Variants in C1orf21 observed in about 807,000 individuals in gnomAD.
C1orf21 encodes the protein uncharacterized protein C1orf21.
In C1orf21, 3 loss-of-function variants were observed where a neutral mutation model predicts 18.7. The ratio of observed to expected loss-of-function variants is 0.16; its 90% CI spans 0.07 to 0.42. The LOEUF (loss-of-function observed/expected upper bound fraction) is 0.42. Ranked by LOEUF, C1orf21 falls within the 10% of genes least tolerant of loss-of-function variation. C1orf21 has a pLI of 0.99. For synonymous variants in C1orf21, 41 were observed against 46.4 expected (o/e 0.88, Z 0.47); for missense variants, 104 against 143.6 (o/e 0.72, Z 1.41).
At position 184,628,760 on chromosome 1, in the gene C1orf21, A is replaced by G. The variant is rs1370557864; in HGVS notation, c.*9204A>G. The G allele has an allele frequency of 6.6e-6, 1 of 152,560 alleles. No homozygotes were observed. The allele number at this position is 152,560 out of a possible 1,614,324, so 9.5% of individuals were successfully genotyped here. A position where few individuals can be genotyped will look rare whatever the true frequency, so the allele number is the denominator to read the frequency against. The stretch of plus-strand genomic sequence containing the variant: ...GTCTCCAGAAAAGGACACTGGCAAT[A>G]TCCCCAGCTCTCTCCTGATTGGAAT... On this transcript the variant is annotated 3_prime_UTR_variant, in exon 6 of 6. Transcript: ENST00000235307.
chr1:184,399,387 A>C (rs538339527), intron 1 of C1orf21, among the ~76,000 whole-genome samples: 1 of 122,108 alleles, frequency 8.2e-6, no homozygotes, highest in East Asian at 2.4e-4. Context: ...TTTTGAGACA[A>C]GGTCTGACTC....
chr1:184,414,968 G>A (rs186189074), intron 1 of C1orf21, among the ~76,000 whole-genome samples: 8 of 152,310 alleles, frequency 5.3e-5, no homozygotes, highest in Admixed American at 1.3e-4. Flanking sequence ...AGAGGTACGT[G>A]TGATGAAGGT....
At chr1:184,588,890 A>C (rs966568226) in intron 3 of C1orf21, among the ~76,000 whole-genome samples, 2 of 151,876 alleles carry the variant, frequency 1.3e-5, no homozygotes, top group Non-Finnish European at 1.5e-5. Context: ...CTGGAAGCGC[A>C]CTCCTGGGAG....
intron 3 of C1orf21, among the ~76,000 whole-genome samples, chr1:184,569,021 T>G (rs1170457210): frequency 6.6e-6 from 1 of 152,220 alleles, no homozygotes. Flanking sequence ...AGTTGAAGCA[T>G]TTAAAGGAGC....
chr1:184,607,899 A>G (rs957090319), intron 5 of C1orf21, among the ~76,000 whole-genome samples: 3 of 152,032 alleles, frequency 2.0e-5, no homozygotes, highest in Non-Finnish European at 2.9e-5. Flanking sequence ...TGGACATTCA[A>G]CAAATATTTA....
chr1:184,568,589 T>C, intron 3 of C1orf21: 4 of 339,668 alleles, frequency 1.2e-5, no homozygotes, highest in Non-Finnish European at 1.8e-5. Flanking sequence ...TGATGCATGT[T>C]AAGCTCTTTT....
chr1:184,598,201 G>A (rs1021727270), intron 4 of C1orf21, among the ~76,000 whole-genome samples, 200 bp from the exon 5 acceptor site: 3 of 151,880 alleles, frequency 2.0e-5, no homozygotes, highest in African/African-American at 7.3e-5. Flanking sequence ...TTAAGTCATA[G>A]GCACTGATAG....
At chr1:184,503,573 T>A (rs1658009015) in intron 2 of C1orf21, among the ~76,000 whole-genome samples, 2 of 152,110 alleles carry the variant, frequency 1.3e-5, no homozygotes, top group Non-Finnish European at 2.9e-5. Context: ...CTGTACTGAG[T>A]GTACACCTTC....
intron 3 of C1orf21, among the ~76,000 whole-genome samples, chr1:184,534,605 CT>C (rs1658519237): frequency 6.6e-6 from 1 of 151,826 alleles, no homozygotes; most frequent in South Asian, 2.1e-4. Context: ...CTTTCTGATT[CT>C]TTTTTCTTTT....
intron 3 of C1orf21, chr1:184,540,057 A>G (rs1230448277): frequency 6.6e-6 from 1 of 152,244 alleles, no homozygotes; most frequent in Admixed American, 6.5e-5. Context: ...CAACATAACC[A>G]AACTAAAATA....
intron 1 of C1orf21, among the ~76,000 whole-genome samples, chr1:184,399,356 A>ATTTTTTTT (rs59376994): frequency 1.3e-5 from 1 of 79,082 alleles, no homozygotes. Context: ...ATGTACTTCT[A>ATTTTTTTT]TTTTTTTTTT....
chr1:184,531,090 G>A (rs1296370382), intron 3 of C1orf21, among the ~76,000 whole-genome samples: 4 of 152,078 alleles, frequency 2.6e-5, no homozygotes, highest in Non-Finnish European at 4.4e-5. Context: ...AAAGTGATCT[G>A]GTTTTAGACT....
intron 1 of C1orf21, among the ~76,000 whole-genome samples, chr1:184,434,627 G>C (rs1656828615): frequency 6.6e-6 from 1 of 152,282 alleles, no homozygotes; most frequent in South Asian, 2.1e-4. Flanking sequence ...GGGCCTCCAA[G>C]GGCCCCTGTG....
intron 1 of C1orf21, among the ~76,000 whole-genome samples, chr1:184,392,182 G>C (rs4631655): frequency 0.64 from 97,018 of 152,118 alleles, 36,082 homozygotes; most frequent in Non-Finnish European, 0.81. Context: ...GGTTTTCAAA[G>C]TCCTTTCATG....
chr1:184,388,855 C>T (rs1655927917), intron 1 of C1orf21, among the ~76,000 whole-genome samples: 1 of 152,120 alleles, frequency 6.6e-6, no homozygotes, highest in Non-Finnish European at 1.5e-5. Flanking sequence ...GGTGATGTTT[C>T]TGAAGGGTCT....
intron 3 of C1orf21, among the ~76,000 whole-genome samples, chr1:184,552,683 T>C (rs1320049389): frequency 6.6e-6 from 1 of 152,120 alleles, no homozygotes; most frequent in Non-Finnish European, 1.5e-5. Flanking sequence ...ATCCATATAA[T>C]GAGATAGTAT....
In C1orf21 at chr1:184,450,939, G is replaced by A. The variant is rs185882114; in HGVS notation, c.-124-26447G>A. 9.2e-5 allele frequency among the ~76,000 whole-genome samples: 14 copies of A among 152,108 alleles called. No homozygotes were observed. The East Asian group carries it at 1.7e-3, about 19-fold the overall frequency. On this transcript the variant is annotated intron_variant, in intron 1 of 5. Transcript: ENST00000235307. ...ATCGCCCAGGCTGGAGTGCAGTGGC[G>A]CAATCTCAGCTCACTGCAACTTCTG... is the stretch of plus-strand genomic sequence containing the variant.
intron 3 of C1orf21, among the ~76,000 whole-genome samples, chr1:184,519,193 G>A (rs1330763951): frequency 6.6e-6 from 1 of 152,170 alleles, no homozygotes; most frequent in Non-Finnish European, 1.5e-5. Context: ...GTTATAAAAT[G>A]TGATTGCTTT....
intron 1 of C1orf21, among the ~76,000 whole-genome samples, chr1:184,434,685 G>A (rs1656829291): frequency 6.6e-6 from 1 of 152,154 alleles, no homozygotes; most frequent in African/African-American, 2.4e-5. Flanking sequence ...GGTGATGGAA[G>A]GCACCCATGA....
Sources: allele counts gnomAD v4.1 joint callset (sites outside exome capture counted in the v4.1 genomes callset), GRCh38; gene constraint gnomAD v4.1.1; transcripts MANE v1.5; gene names NCBI Gene and HGNC (gene_info 2026-07-23, HGNC 2026-07-21).